The following NLGN4X variants were observed in gnomAD, a reference collection of about 807,000 sequenced individuals.
The protein encoded by NLGN4X is neuroligin 4 X-linked.
In NLGN4X, 3 loss-of-function variants were observed where a neutral mutation model predicts 40.3. That is an observed-to-expected ratio of 0.07 (90% CI 0.03 to 0.19). The LOEUF (loss-of-function observed/expected upper bound fraction) is 0.19, where lower values mean the gene tolerates loss of function less well. Ranked by LOEUF, NLGN4X falls within the 10% of genes least tolerant of loss-of-function variation. The pLI, the probability that NLGN4X is intolerant of heterozygous loss-of-function variation, is 1.00. For synonymous variants in NLGN4X, 270 were observed against 306.8 expected (o/e 0.88, Z 1.25); for missense variants, 382 against 708.3 (o/e 0.54, Z 5.23).
At chrX:6,146,449 T>C (rs1176914825) in intron 2 of NLGN4X, among the ~76,000 whole-genome samples, 2 of 111,938 alleles carry the variant, frequency 1.8e-5, no homozygotes, top group East Asian at 2.8e-4. Flanking sequence ...TGGCTTATTA[T>C]CTACCTCTAG....
intron 1 of NLGN4X, among the ~76,000 whole-genome samples, chrX:6,182,255 C>T (rs1411910070): frequency 8.9e-6 from 1 of 111,906 alleles, no homozygotes; most frequent in Non-Finnish European, 1.9e-5. Flanking sequence ...ATATTCCAAA[C>T]ATACCTTCCA....
At chrX:5,966,445 G>A in intron 3 of NLGN4X, among the ~76,000 whole-genome samples, 1 of 112,375 alleles carries the variant, frequency 8.9e-6, no homozygotes, top group East Asian at 2.8e-4. Context: ...GTGTCTCACA[G>A]GACATGAGAA....
chrX:6,027,819 A>ATTT (rs1417822849), intron 3 of NLGN4X, among the ~76,000 whole-genome samples: 1 of 82,734 alleles, frequency 1.2e-5, no homozygotes, highest in Non-Finnish European at 2.6e-5. Context: ...TAGTATTATT[A>ATTT]TTATTTTTTT....
chrX:6,099,880 C>T (rs1011111269), intron 2 of NLGN4X, among the ~76,000 whole-genome samples: 31 of 111,254 alleles, frequency 2.8e-4, no homozygotes, highest in Admixed American at 8.6e-4. Flanking sequence ...AAGACCAGCT[C>T]GGTCCGGGAG....
intron 1 of NLGN4X, among the ~76,000 whole-genome samples, chrX:6,192,498 A>G (rs1922632766): frequency 9.0e-6 from 1 of 111,517 alleles, no homozygotes; most frequent in South Asian, 3.8e-4. Flanking sequence ...AAAGAGGAAG[A>G]TATTAAAAGG....
At chrX:6,193,717 T>C (rs1922794097) in intron 1 of NLGN4X, among the ~76,000 whole-genome samples, 1 of 111,643 alleles carries the variant, frequency 9.0e-6, no homozygotes, top group Non-Finnish European at 1.9e-5. Context: ...GCAACCATTT[T>C]AGCACACACA....
intron 1 of NLGN4X, among the ~76,000 whole-genome samples, chrX:6,160,628 T>G (rs753769737): frequency 6.4e-4 from 69 of 108,465 alleles, no homozygotes; most frequent in African/African-American, 2.2e-3. Flanking sequence ...CCTCCCGGAT[T>G]ATCTTGCCTC....
chrX:5,898,775 A>G (rs981461587), intron 5 of NLGN4X, among the ~76,000 whole-genome samples: 16 of 112,208 alleles, frequency 1.4e-4, no homozygotes, highest in African/African-American at 5.2e-4. Context: ...GTGAGTCATC[A>G]TCTGAGTGTG....
At chrX:5,998,064 C>A (rs1487387994) in intron 3 of NLGN4X, among the ~76,000 whole-genome samples, 1 of 111,543 alleles carries the variant, frequency 9.0e-6, no homozygotes, top group Non-Finnish European at 1.9e-5. Flanking sequence ...TCTGATATTT[C>A]CAGGTATGCT....
At chrX:6,047,851 C>A (rs1251126739) in intron 2 of NLGN4X, among the ~76,000 whole-genome samples, 1 of 111,743 alleles carries the variant, frequency 8.9e-6, no homozygotes, top group Non-Finnish European at 1.9e-5. Context: ...ATGGGCCCTC[C>A]ATACTCCTGG....
intron 2 of NLGN4X, among the ~76,000 whole-genome samples, chrX:6,148,804 G>A (rs756635015): frequency 7.4e-4 from 83 of 111,847 alleles, no homozygotes; most frequent in South Asian, 1.5e-3. Context: ...GTGAGCCACC[G>A]CGCCTGGCCT....
intron 3 of NLGN4X, among the ~76,000 whole-genome samples, chrX:5,983,650 C>T (rs1208402557): frequency 8.9e-6 from 1 of 111,752 alleles, no homozygotes; most frequent in Non-Finnish European, 1.9e-5. Context: ...CTGAAAAAAG[C>T]TGGGAAACCG....
intron 2 of NLGN4X, among the ~76,000 whole-genome samples, chrX:6,106,186 T>A (rs1437848896): frequency 1.8e-5 from 2 of 111,741 alleles, no homozygotes; most frequent in African/African-American, 3.3e-5. Flanking sequence ...CAGATCAGGT[T>A]TTGCCCCCAA....
At chrX:5,935,246 C>T (rs1048486738) in intron 3 of NLGN4X, among the ~76,000 whole-genome samples, 5 of 112,033 alleles carry the variant, frequency 4.5e-5, no homozygotes, top group African/African-American at 1.6e-4. Context: ...CAAGGATAAT[C>T]TTACAAGATA....
intron 1 of NLGN4X, among the ~76,000 whole-genome samples, chrX:6,197,233 T>C (rs1923173950): frequency 9.0e-6 from 1 of 110,704 alleles, no homozygotes; most frequent in Admixed American, 9.6e-5. Flanking sequence ...AACGAGATCC[T>C]GTATCAAAAA....
chrX:6,083,832 T>C (rs1202358752), intron 2 of NLGN4X, among the ~76,000 whole-genome samples: 4 of 111,851 alleles, frequency 3.6e-5, no homozygotes, highest in African/African-American at 1.3e-4. Flanking sequence ...GTGTTTGGAG[T>C]GTCTATGTGA....
chrX:6,051,371 C>T (rs1382942096), intron 2 of NLGN4X, among the ~76,000 whole-genome samples: 1 of 111,627 alleles, frequency 9.0e-6, no homozygotes, highest in Non-Finnish European at 1.9e-5. Flanking sequence ...ACTGCAGGGT[C>T]TTTGCAGATG....
chrX:6,104,650 CTATT>C (rs924577732), intron 2 of NLGN4X, among the ~76,000 whole-genome samples: 3 of 111,070 alleles, frequency 2.7e-5, no homozygotes, highest in African/African-American at 9.8e-5. Context: ...TCCCCTCAGA[CTATT>C]TAGATGATCA....
intron 2 of NLGN4X, among the ~76,000 whole-genome samples, chrX:6,135,213 A>C (rs2039786111): frequency 1.8e-5 from 2 of 111,756 alleles, no homozygotes; most frequent in African/African-American, 6.5e-5. Flanking sequence ...GGTGACTCCC[A>C]ACATAGAACT....
Sources: allele counts gnomAD v4.1 joint callset (sites outside exome capture counted in the v4.1 genomes callset), GRCh38; gene constraint gnomAD v4.1.1; transcripts MANE v1.5; gene names NCBI Gene and HGNC (gene_info 2026-07-23, HGNC 2026-07-21).